Variants in CDKL5 observed in about 807,000 individuals in gnomAD.
The protein encoded by CDKL5 is cyclin dependent kinase like 5, also known as cyclin-dependent kinase-like 5.
Under a neutral mutation model 61.7 loss-of-function variants are expected in CDKL5, and 8 were observed. The ratio of observed to expected loss-of-function variants is 0.13; its 90% confidence interval spans 0.08 to 0.23. CDKL5 has a LOEUF of 0.23. Ranked by LOEUF, CDKL5 falls within the 10% of genes least tolerant of loss-of-function variation. The pLI is 1.00. For missense variants in CDKL5, 440 were observed against 734.5 expected, an observed-to-expected ratio of 0.60 and a Z score of 4.63; for synonymous variants, 275 against 272.3, an observed-to-expected ratio of 1.01 and a Z score of -0.10.
chrX:18,556,882 C>CAAAAAAA (rs67362338), intron 3 of CDKL5, among the ~76,000 whole-genome samples: 2 of 44,955 alleles, frequency 4.4e-5, no homozygotes, highest in East Asian at 8.7e-4. Context: ...GACTCCGTCT[C>CAAAAAAA]AAAAAAAAAA....
At chrX:18,574,416 C>G (rs1241594099) in intron 4 of CDKL5, among the ~76,000 whole-genome samples, 7 of 111,465 alleles carry the variant, frequency 6.3e-5, no homozygotes, top group South Asian at 3.8e-4. Flanking sequence ...TTTGGACTTG[C>G]AGATGAGGGA....
intron 21 of CDKL5, among the ~76,000 whole-genome samples, chrX:18,652,840 A>G (rs995505530): frequency 3.6e-5 from 4 of 112,588 alleles, no homozygotes; most frequent in African/African-American, 6.5e-5. Flanking sequence ...CTGAGCCATG[A>G]TGTGATCATG....
At chrX:18,524,815 C>T (rs1365959607) in intron 3 of CDKL5, among the ~76,000 whole-genome samples, 1 of 112,164 alleles carries the variant, frequency 8.9e-6, no homozygotes, top group Non-Finnish European at 1.9e-5. Flanking sequence ...CTTTCTTTTG[C>T]ATTTGGACAT....
intron 1 of CDKL5, among the ~76,000 whole-genome samples, chrX:18,481,320 G>GTTTCTTTC (rs201816691): frequency 0.019 from 1,627 of 84,682 alleles, 31 homozygotes; most frequent in South Asian, 0.027. Context: ...AAGAGTCCTG[G>GTTTCTTTC]TTTCTTTCTT....
intron 1 of CDKL5, among the ~76,000 whole-genome samples, chrX:18,495,622 C>G (rs28368582): frequency 0.021 from 2,368 of 111,773 alleles, 64 homozygotes; most frequent in African/African-American, 0.072. Flanking sequence ...GAGGCCCCTT[C>G]CTGCCTCTTG....
At chrX:18,622,674 T>A (rs748942667) in intron 16 of CDKL5, among the ~76,000 whole-genome samples, 60 of 112,049 alleles carry the variant, frequency 5.4e-4, no homozygotes, top group African/African-American at 1.9e-3. Flanking sequence ...TCTAGTTGAA[T>A]TTTTTTATTC....
intron 1 of CDKL5, among the ~76,000 whole-genome samples, chrX:18,506,358 A>C (rs1302723733): frequency 8.9e-6 from 1 of 112,028 alleles, no homozygotes; most frequent in Non-Finnish European, 1.9e-5. Flanking sequence ...AGAGCTAGGA[A>C]ATATATGTAT....
At chrX:18,431,521 A>T (rs1931489269) in intron 1 of CDKL5, among the ~76,000 whole-genome samples, 1 of 104,752 alleles carries the variant, frequency 9.5e-6, no homozygotes, top group African/African-American at 3.5e-5. Context: ...TCCCGGGTTC[A>T]CGCCATTCTC....
rs193290876 is a variant in CDKL5, at chrX:18,503,481, G to A, written c.-162-3454G>A. 1.1e-4 allele frequency among the ~76,000 whole-genome samples: 12 copies of A among 112,016 alleles called. 1 individual carries two copies. The highest frequency in any genetic ancestry group is 7.6e-4 in the Admixed American group (8 of 10,548). On this transcript the variant is annotated intron_variant, in intron 1 of 17. Transcript: ENST00000623535. ...TTATAGGCGTGAGCCATTGTGCCCCGCCCATAAATGTGATTTTTAAAAATT... is the reference window on the plus strand; with the variant it reads ...TTATAGGCGTGAGCCATTGTGCCCCACCCATAAATGTGATTTTTAAAAATT...
chrX:18,612,667 A>AG (rs200780052), intron 14 of CDKL5, among the ~76,000 whole-genome samples: 1,788 of 107,967 alleles, frequency 0.017, 46 homozygotes, highest in African/African-American at 0.057. Flanking sequence ...AAAAAAAAAA[A>AG]AGAGAGAGAG....
chrX:18,505,383 G>C (rs895116175), intron 1 of CDKL5, among the ~76,000 whole-genome samples: 1 of 111,931 alleles, frequency 8.9e-6, no homozygotes, highest in Admixed American at 9.5e-5. Flanking sequence ...TATAATCTGT[G>C]AACATTTGAA....
downstream of CDKL5, chrX:18,641,849 C>T (rs1333334695): frequency 8.2e-6 from 4 of 488,370 alleles, no homozygotes; most frequent in East Asian, 1.5e-4. Flanking sequence ...AATCAGAAAG[C>T]TATATCTTAA....
intron 3 of CDKL5, among the ~76,000 whole-genome samples, chrX:18,560,086 A>G (rs1469874978): frequency 2.7e-5 from 3 of 110,271 alleles, no homozygotes; most frequent in East Asian, 2.9e-4. Flanking sequence ...TAGTGCTGCA[A>G]TAAACATACG....
chrX:18,553,465 C>CGTGTGT (rs201802099), intron 3 of CDKL5, among the ~76,000 whole-genome samples: 276 of 90,827 alleles, frequency 3.0e-3, no homozygotes, highest in African/African-American at 5.8e-3. Flanking sequence ...TGTGTGTGTG[C>CGTGTGT]GTGTGTGTGT....
intron 1 of CDKL5, among the ~76,000 whole-genome samples, chrX:18,454,463 C>T (rs1569186030): frequency 1.8e-5 from 2 of 109,948 alleles, no homozygotes; most frequent in African/African-American, 6.6e-5. Flanking sequence ...TTTCAAACTC[C>T]TGACCTCATG....
intron 1 of CDKL5, among the ~76,000 whole-genome samples, chrX:18,456,052 C>CTT (rs548003382): frequency 9.8e-6 from 1 of 102,491 alleles, no homozygotes. Context: ...TTCTTTCTTT[C>CTT]TTTTTTTTTT....
At chrX:18,651,264 T>TGTGTGTGTGTGTGTGTGTGTGTGAGAGA (rs1491242962) in intron 21 of CDKL5, among the ~76,000 whole-genome samples, 1 of 69,008 alleles carries the variant, frequency 1.4e-5, no homozygotes, top group African/African-American at 6.3e-5. Context: ...TGTGTGTGTG[T>TGTGTGTGTGTGTGTGTGTGTGTGAGAGA]GAGAGAGAGA....
chrX:18,432,531 C>T (rs1319117165), intron 1 of CDKL5, among the ~76,000 whole-genome samples: 2 of 110,454 alleles, frequency 1.8e-5, no homozygotes, highest in East Asian at 2.8e-4. Flanking sequence ...TGTAAGCTAC[C>T]GTGCCTGGCC....
chrX:18,442,730 G>A (rs912910667), intron 1 of CDKL5, among the ~76,000 whole-genome samples: 28 of 111,276 alleles, frequency 2.5e-4, no homozygotes, highest in Non-Finnish European at 3.6e-4. Context: ...TCTTGACCTC[G>A]TGATCCGCCC....
Sources: gnomAD v4.1 joint callset for allele counts (sites outside exome capture counted in the v4.1 genomes callset) on GRCh38, gnomAD v4.1.1 for gene constraint, MANE v1.5 for transcripts, NCBI Gene and HGNC (gene_info 2026-07-23, HGNC 2026-07-21) for gene names.